WDR35: variants seen among roughly 807,000 people sequenced by gnomAD.
WDR35 encodes the protein WD repeat domain 35, also known as WD repeat-containing protein 35.
A neutral mutation model predicts 158.3 loss-of-function variants in WDR35; 118 were observed. The ratio of observed to expected loss-of-function variants is 0.75; its 90% CI spans 0.64 to 0.87. The LOEUF (loss-of-function observed/expected upper bound fraction) is 0.87. Ranked by LOEUF, WDR35 falls within the 40% of genes least tolerant of loss-of-function variation. The pLI, the probability that WDR35 is intolerant of heterozygous loss-of-function variation, is 0.00. For missense variants in WDR35, 1,263 were observed against 1,405.8 expected (o/e 0.90, Z 1.62); for synonymous variants, 448 against 476.1 (o/e 0.94, Z 0.77).
At position 19,931,313 on chromosome 2, in the gene WDR35, T is replaced by C. The variant is rs769664532; in HGVS notation, c.2920A>G (p.Met974Val). 1.9e-6 allele frequency: 3 copies of C among 1,613,342 alleles called. No individual in the cohort carries two copies. Among genetic ancestry groups the C allele is most frequent in the Non-Finnish European group, 2.5e-6 (3 of 1,179,726 alleles). Reference protein sequence around the residue: ...ALLIEQYHEQMKNAQRGKVKG... With the variant: ...ALLIEQYHEQVKNAQRGKVKG... The stretch of plus-strand genomic sequence containing the variant: ...ACTTTTCCTCGCTGGGCATTCTTCA[T>C]CTGTTCATGGTATTGCTCTATAAGT... The change falls in exon 24 of 27, where the codon ATG becomes GTG. Residue 974 changes from methionine to valine, a missense_variant. Physicochemically the swap from Met to Val is conservative, Grantham distance 21. Transcript: ENST00000281405.
chr2:19,970,543 C>T (rs1483728316), intron 8 of WDR35, among the ~76,000 whole-genome samples: 1 of 152,182 alleles, frequency 6.6e-6, no homozygotes, highest in East Asian at 1.9e-4. Context: ...TAATCATAAC[C>T]TACCCTGCTT....
intron 5 of WDR35, 85 bp from the exon 6 acceptor site, chr2:19,975,748 A>C: frequency 3.2e-6 from 5 of 1,568,468 alleles, no homozygotes; most frequent in Non-Finnish European, 4.4e-6. Context: ...TAAAGATCTC[A>C]CAAATTCTTC....
intron 10 of WDR35, among the ~76,000 whole-genome samples, chr2:19,962,007 T>G (rs1284121052): frequency 6.6e-6 from 1 of 152,200 alleles, no homozygotes; most frequent in Non-Finnish European, 1.5e-5. Flanking sequence ...CCCATTTATC[T>G]TTAGTTAATA....
At chr2:19,967,049 C>A in intron 9 of WDR35, 140 bp from the exon 10 acceptor site, 3 of 770,908 alleles carry the variant, frequency 3.9e-6, no homozygotes, top group East Asian at 2.7e-5. Context: ...ATATATTCTT[C>A]AGAAATAGAA....
At chr2:19,954,005 T>C in intron 11 of WDR35, 27 bp from the exon 12 acceptor site, 2 of 1,613,620 alleles carry the variant, frequency 1.2e-6, no homozygotes, top group Non-Finnish European at 1.7e-6. Flanking sequence ...TAAGATAATT[T>C]ACAGTTACAC....
chr2:19,986,522 G>A (rs1672571393), intron 2 of WDR35, among the ~76,000 whole-genome samples: 1 of 152,192 alleles, frequency 6.6e-6, no homozygotes. Context: ...TAAACATTCT[G>A]AATTCTCTTG....
intron 12 of WDR35, 38 bp from the exon 13 acceptor site, chr2:19,951,522 A>G: frequency 6.7e-7 from 1 of 1,495,466 alleles, no homozygotes; most frequent in Non-Finnish European, 9.3e-7. Flanking sequence ...AAGTTTAAGT[A>G]TAGTTTATAC....
Position 19,935,492 on chromosome 2 carries a change from T to C in WDR35, c.2526A>G (p.Pro842=). 2 of 1,613,058 alleles carry C rather than the reference T, an allele frequency of 1.2e-6. No individual in the cohort carries two copies. ...EGLENLAISL[P]ENHKLLPEIA... ...CTACTGGAAGTAACTTGTGGTTTTC[T>C]GGAAGTGAAATGGCAAGGTTCTCTA... The change falls in exon 21 of 27, where the codon CCA becomes CCG. Residue 842 remains proline, a synonymous_variant. Transcript: ENST00000281405.
chr2:19,949,273 A>C (rs1671158250), intron 13 of WDR35, among the ~76,000 whole-genome samples: 1 of 152,250 alleles, frequency 6.6e-6, no homozygotes, highest in Non-Finnish European at 1.5e-5. Context: ...TATACTGGGA[A>C]GTGGGCCAGG....
chr2:19,931,988 T>C (rs1670540927), intron 23 of WDR35, among the ~76,000 whole-genome samples: 1 of 152,114 alleles, frequency 6.6e-6, no homozygotes, highest in African/African-American at 2.4e-5. Context: ...ATCAACAAAA[T>C]TTAATTCCCT....
intron 16 of WDR35, among the ~76,000 whole-genome samples, chr2:19,943,669 A>C (rs1670946336): frequency 6.6e-6 from 1 of 152,116 alleles, no homozygotes; most frequent in Non-Finnish European, 1.5e-5. Context: ...GATATGAAAG[A>C]AACATGAAAT....
intron 13 of WDR35, among the ~76,000 whole-genome samples, chr2:19,949,116 G>C (rs1244739925): frequency 6.6e-6 from 1 of 152,134 alleles, no homozygotes; most frequent in African/African-American, 2.4e-5. Flanking sequence ...CACCACTGAA[G>C]AAAGCTGAGT....
intron 7 of WDR35, 88 bp downstream of exon 7, chr2:19,974,379 AG>A: frequency 2.2e-6 from 3 of 1,349,988 alleles, no homozygotes; most frequent in Non-Finnish European, 3.0e-6. Context: ...ACTGCACTCC[AG>A]CCTGGGCGAC....
chr2:19,918,854 C>T (rs369905632), intron 25 of WDR35, among the ~76,000 whole-genome samples: 1 of 152,122 alleles, frequency 6.6e-6, no homozygotes, highest in East Asian at 1.9e-4. Context: ...AGAAAATTAA[C>T]AAGGATATGC....
intron 2 of WDR35, among the ~76,000 whole-genome samples, chr2:19,984,253 G>A (rs989698453): frequency 6.6e-6 from 1 of 152,084 alleles, no homozygotes; most frequent in African/African-American, 2.4e-5. Context: ...GTCTCTTGCT[G>A]GAAGCAACTC....
At position 19,945,936 on chromosome 2, in the gene WDR35, T is replaced by C. The variant is rs1671033597; in HGVS notation, c.1695A>G (p.Val565=). 6.2e-7 allele frequency: 1 copy of C among 1,613,950 alleles called. No homozygotes were observed. The stretch of plus-strand genomic sequence containing the variant: ...CTACTTGCTGTCCCGTACTGTCCGT[T>C]ACTCGAGCATCCAAGTCAAAGAAAG... ...VLTFFDLDAR[V]TDSTGQQVVG... Residue 565 remains valine, a synonymous_variant, in exon 16 of 27, where the codon GTA becomes GTG. Transcript: ENST00000281405.
chr2:19,990,058 G>A lies in WDR35; in HGVS notation c.-43C>T, dbSNP rs1294947593. ...GGTCACGGCGGCCGCTAAGGCCCTC[G>A]ACAAGTAACGGTTCTACGTCTCCAA... On this transcript the variant is annotated 5_prime_UTR_variant, in exon 1 of 27. Coordinates refer to ENST00000281405, the MANE Select transcript of WDR35 (RefSeq NM_020779.4). 3.7e-6 allele frequency: 6 copies of A among 1,611,114 alleles called. No homozygotes were observed. Among genetic ancestry groups the A allele is most frequent in the Admixed American group, 3.4e-5 (2 of 59,668 alleles).
chr2:19,948,895 C>T (rs990132522), intron 13 of WDR35, among the ~76,000 whole-genome samples: 4 of 149,944 alleles, frequency 2.7e-5, no homozygotes, highest in Non-Finnish European at 5.9e-5. Context: ...GCCTGGGCAA[C>T]AGTGCAAGAC....
At position 19,932,484 on chromosome 2, in the gene WDR35, T is replaced by C. The variant is rs1333493041; in HGVS notation, c.2659-37A>G. 2.5e-6 allele frequency: 4 copies of C among 1,611,676 alleles called. No homozygotes were observed. In the African/African-American group the frequency reaches 4.0e-5, roughly 16 times the overall value. On this transcript the variant is annotated intron_variant, in intron 22 of 26. Transcript: ENST00000281405. Reference sequence around the variant, plus strand: ...ATTACACCATTCAGTCACCCAAGTATTTACAGTCACATATATCATAAAATT... The same window carrying C: ...ATTACACCATTCAGTCACCCAAGTACTTACAGTCACATATATCATAAAATT...
Sources: gnomAD v4.1 joint callset for allele counts (sites outside exome capture counted in the v4.1 genomes callset) on GRCh38, gnomAD v4.1.1 for gene constraint, MANE v1.5 for transcripts, NCBI Gene and HGNC (gene_info 2026-07-23, HGNC 2026-07-21) for gene names.